Variants in NIPAL2 observed in about 807,000 individuals in gnomAD.
NIPAL2 encodes NIPA-like protein 2.
NIPAL2 carries 43 observed loss-of-function variants against 48.9 expected under a neutral mutation model. The observed-to-expected ratio is 0.88, with a 90% CI of 0.69 to 1.13. The LOEUF (loss-of-function observed/expected upper bound fraction) is 1.13. Among genes scored for constraint, NIPAL2 ranks in the 50% most tolerant of loss-of-function variants. The pLI is 0.00. For synonymous variants in NIPAL2, 167 were observed against 174.6 expected, an observed-to-expected ratio of 0.96 and a Z score of 0.34; for missense variants, 446 against 461.4, an observed-to-expected ratio of 0.97 and a Z score of 0.31.
intron 4 of NIPAL2, among the ~76,000 whole-genome samples, chr8:98,235,147 G>A (rs1302408083): frequency 6.6e-6 from 1 of 152,106 alleles, no homozygotes; most frequent in Non-Finnish European, 1.5e-5. Flanking sequence ...CACATTTAGA[G>A]CTCAAAATTT....
In NIPAL2 at chr8:98,223,066, T is replaced by C. The variant is rs1159715422; in HGVS notation, c.437-466A>G. 2.0e-5 allele frequency among the ~76,000 whole-genome samples: 3 copies of C among 152,226 alleles called. No individual in the cohort carries two copies. In the East Asian group the frequency reaches 5.8e-4, roughly 29 times the overall value. On this transcript the variant is annotated intron_variant, in intron 4 of 10. Transcript: ENST00000430223. Reference sequence around the variant, plus strand: ...GATCTGCTCTACACTCACTCATCCCTGGGGCTTTGAAGCACCCTCAGGTGA... The same window carrying C: ...GATCTGCTCTACACTCACTCATCCCCGGGGCTTTGAAGCACCCTCAGGTGA...
intron 5 of NIPAL2, among the ~76,000 whole-genome samples, chr8:98,218,795 G>T (rs1811702615): frequency 6.6e-6 from 1 of 152,144 alleles, no homozygotes; most frequent in Admixed American, 6.6e-5. Flanking sequence ...TGGGGTTGTG[G>T]GTCAAAGGAG....
intron 8 of NIPAL2, among the ~76,000 whole-genome samples, chr8:98,202,775 G>T (rs1421662017): frequency 6.6e-6 from 1 of 152,156 alleles, no homozygotes; most frequent in Non-Finnish European, 1.5e-5. Context: ...TAATCCAAGG[G>T]CTGGCAAGGG....
At chr8:98,280,753 T>TAG (rs1270897782) in intron 1 of NIPAL2, among the ~76,000 whole-genome samples, 32 of 38,116 alleles carry the variant, frequency 8.4e-4, no homozygotes, top group Admixed American at 5.7e-3. Context: ...TATATATATA[T>TAG]ATATATATAG....
At chr8:98,283,068 C>A (rs1815943183) in intron 1 of NIPAL2, among the ~76,000 whole-genome samples, 1 of 152,152 alleles carries the variant, frequency 6.6e-6, no homozygotes, top group African/African-American at 2.4e-5. Flanking sequence ...CTGTTTCATG[C>A]CAATTTTTAA....
intron 1 of NIPAL2, among the ~76,000 whole-genome samples, chr8:98,261,650 G>C (rs1436964339): frequency 7.9e-6 from 1 of 126,548 alleles, no homozygotes; most frequent in Non-Finnish European, 1.6e-5. Context: ...ATCTACGTCT[G>C]ATTGGTGTAC....
intron 1 of NIPAL2, among the ~76,000 whole-genome samples, chr8:98,260,229 T>A (rs973789643): frequency 1.3e-5 from 2 of 152,166 alleles, no homozygotes; most frequent in Non-Finnish European, 2.9e-5. Context: ...GCAAAGCCAT[T>A]ATCTTCTTTG....
chr8:98,238,889 C>T (rs914579707), intron 3 of NIPAL2, among the ~76,000 whole-genome samples: 3 of 151,846 alleles, frequency 2.0e-5, no homozygotes, highest in Non-Finnish European at 2.9e-5. Context: ...CAGATTTGGG[C>T]CAAAATAATC....
intron 3 of NIPAL2, among the ~76,000 whole-genome samples, chr8:98,240,027 T>C (rs984629692): frequency 6.6e-6 from 1 of 152,232 alleles, no homozygotes; most frequent in Admixed American, 6.5e-5. Context: ...GAAAATCTAT[T>C]ATACTTTTAT....
At chr8:98,235,147 G>C (rs1302408083) in intron 4 of NIPAL2, among the ~76,000 whole-genome samples, 1 of 152,106 alleles carries the variant, frequency 6.6e-6, no homozygotes, top group Admixed American at 6.5e-5. Context: ...CACATTTAGA[G>C]CTCAAAATTT....
intron 1 of NIPAL2, 81 bp from the exon 2 acceptor site, chr8:98,254,168 A>G: frequency 8.7e-7 from 1 of 1,145,982 alleles, no homozygotes; most frequent in Non-Finnish European, 1.3e-6. Flanking sequence ...GTGTTCATTC[A>G]TTTGTTCAGT....
intron 7 of NIPAL2, 105 bp from the exon 8 acceptor site, chr8:98,203,301 G>A: frequency 1.2e-6 from 1 of 817,656 alleles, no homozygotes; most frequent in Non-Finnish European, 2.1e-6. Context: ...ACTACAAAGG[G>A]AAAGGAGGTG....
At chr8:98,216,192 T>C (rs893554291) in intron 5 of NIPAL2, among the ~76,000 whole-genome samples, 2 of 152,226 alleles carry the variant, frequency 1.3e-5, no homozygotes, top group South Asian at 2.1e-4. Flanking sequence ...CAGAGAGGCA[T>C]TGAGTGAGGT....
Position 98,193,012 on chromosome 8 carries a change from G to T in NIPAL2, c.1118C>A (p.Thr373Lys), listed in dbSNP as rs561453780. The change falls in exon 11 of 11, where the codon ACA becomes AAA. Residue 373 changes from threonine to lysine, a missense_variant. Transcript: ENST00000430223. Reference sequence around the variant, plus strand: ...TTTCTTCTCTCCACTTTGGCTCTTTGTTGAGTCACTTCCATCAGGCAAAGT... The same window carrying T: ...TTTCTTCTCTCCACTTTGGCTCTTTTTTGAGTCACTTCCATCAGGCAAAGT... Reference protein sequence around the residue: ...YGTLPDGSDSTKSQSGEKKEV With the variant: ...YGTLPDGSDSKKSQSGEKKEV The T allele has an allele frequency of 3.6e-4, 583 of 1,613,908 alleles. 5 individuals carry two copies. In the South Asian group the frequency reaches 6.1e-3, roughly 17 times the overall value.
chr8:98,257,504 G>A (rs1056205079), intron 1 of NIPAL2, among the ~76,000 whole-genome samples: 7 of 151,912 alleles, frequency 4.6e-5, no homozygotes, highest in Non-Finnish European at 8.8e-5. Flanking sequence ...TGATCTGCCC[G>A]CCTTGACCTA....
intron 6 of NIPAL2, among the ~76,000 whole-genome samples, chr8:98,206,554 A>C (rs1484026243): frequency 6.6e-6 from 1 of 152,080 alleles, no homozygotes; most frequent in Non-Finnish European, 1.5e-5. Context: ...TGGGAGGCCA[A>C]GGCGGGCGGA....
At position 98,252,604 on chromosome 8, in the gene NIPAL2, C is replaced by T. The variant is rs951297782; in HGVS notation, c.235G>A (p.Glu79Lys). 2.5e-6 allele frequency: 4 copies of T among 1,612,672 alleles called. No homozygotes were observed. Among genetic ancestry groups the T allele is most frequent in the South Asian group, 1.1e-5 (1 of 90,708 alleles). The change falls in exon 3 of 11, where the codon GAG (glutamate) becomes AAG (lysine). Residue 79 changes from glutamate to lysine, a missense_variant. Physicochemically the swap from Glu to Lys is moderately conservative, Grantham distance 56. Coordinates refer to ENST00000430223, the MANE Select transcript of NIPAL2 (RefSeq NM_001321635.2). ...KYSHLQLAQQ[E>K]HPRPYFKSVL... Reference sequence around the variant, plus strand: ...CTCTTGAAGTATGGCCTTGGGTGCTCTTGTTGTGCCAGCTGAAGGTGAGAA... The same window carrying T: ...CTCTTGAAGTATGGCCTTGGGTGCTTTTGTTGTGCCAGCTGAAGGTGAGAA...
chr8:98,258,185 C>T (rs976427491), intron 1 of NIPAL2, among the ~76,000 whole-genome samples: 1 of 152,048 alleles, frequency 6.6e-6, no homozygotes, highest in East Asian at 1.9e-4. Context: ...CTCAGATAGT[C>T]AAATTCATGA....
chr8:98,212,975 T>C (rs182998671), intron 5 of NIPAL2, among the ~76,000 whole-genome samples: 8 of 152,344 alleles, frequency 5.3e-5, no homozygotes, highest in Non-Finnish European at 1.0e-4. Context: ...AACTCATCTC[T>C]GATTTTACTC....
Sources: allele counts gnomAD v4.1 joint callset (sites outside exome capture counted in the v4.1 genomes callset), GRCh38; gene constraint gnomAD v4.1.1; transcripts MANE v1.5; gene names NCBI Gene and HGNC (gene_info 2026-07-23, HGNC 2026-07-21).